The following BMPR1A variants were observed in gnomAD, a reference collection of about 807,000 sequenced individuals.
The protein encoded by BMPR1A is bone morphogenetic protein receptor type-1A.
Under a neutral mutation model 66.0 loss-of-function variants are expected in BMPR1A, and 7 were observed. The ratio of observed to expected loss-of-function variants is 0.11; its 90% confidence interval spans 0.06 to 0.20. The LOEUF is 0.20. Ranked by LOEUF, BMPR1A falls within the 10% of genes least tolerant of loss-of-function variation. The pLI, the probability that BMPR1A is intolerant of heterozygous loss-of-function variation, is 1.00. For synonymous variants in BMPR1A, 200 were observed against 229.7 expected (o/e 0.87, Z 1.17); for missense variants, 408 against 669.1 (o/e 0.61, Z 4.31).
chr10:86,761,139 T>A (rs1841049946), intron 1 of BMPR1A, among the ~76,000 whole-genome samples: 1 of 152,206 alleles, frequency 6.6e-6, no homozygotes, highest in Non-Finnish European at 1.5e-5. Flanking sequence ...GATCAGATGA[T>A]CAGTAGACTC....
At chr10:86,839,464 A>G (rs1003612071) in intron 2 of BMPR1A, among the ~76,000 whole-genome samples, 1 of 151,954 alleles carries the variant, frequency 6.6e-6, no homozygotes, top group African/African-American at 2.4e-5. Flanking sequence ...ATGATGGCCT[A>G]AGCCTGTGAT....
intron 2 of BMPR1A, among the ~76,000 whole-genome samples, chr10:86,869,268 G>A (rs12769473): frequency 0.06 from 9,123 of 151,810 alleles, 627 homozygotes; most frequent in African/African-American, 0.17. Context: ...GACCAGCCTG[G>A]CCAACATGGT....
intron 1 of BMPR1A, among the ~76,000 whole-genome samples, chr10:86,807,390 T>A (rs923929134): frequency 6.6e-6 from 1 of 152,196 alleles, no homozygotes; most frequent in Non-Finnish European, 1.5e-5. Context: ...TTGACTTACT[T>A]GTTTATCTGA....
chr10:86,794,837 T>TATATAG (rs888063705), intron 1 of BMPR1A, among the ~76,000 whole-genome samples: 1 of 151,058 alleles, frequency 6.6e-6, no homozygotes, highest in Non-Finnish European at 1.5e-5. Flanking sequence ...TAGATATAGA[T>TATATAG]ATATAGATAT....
rs1052581364 is a variant in BMPR1A at position 86,767,619 on chromosome 10, A to C, written c.-268+10700A>C. Among the ~76,000 whole-genome samples the C allele has an allele frequency of 5.3e-5, 8 of 152,308 alleles. No individual in the cohort carries two copies. In the East Asian group the frequency reaches 1.5e-3, roughly 29 times the overall value. On this transcript the variant is annotated intron_variant, in intron 1 of 12. Coordinates refer to ENST00000372037, the MANE Select transcript of BMPR1A (RefSeq NM_004329.3). ...CTTGAGCCCAGGAGTTCGAGACTGC[A>C]GTGAGCCATGATCTTACACTGCACT...
At chr10:86,778,597 C>T (rs776117599) in intron 1 of BMPR1A, among the ~76,000 whole-genome samples, 10 of 152,014 alleles carry the variant, frequency 6.6e-5, no homozygotes, top group Non-Finnish European at 1.3e-4. Context: ...TCTTTTTGTT[C>T]GGAACGTTTG....
intron 2 of BMPR1A, chr10:86,855,514 T>G: frequency 2.2e-6 from 1 of 455,800 alleles, no homozygotes; most frequent in Non-Finnish European, 3.9e-6. Context: ...GAAATAGTAC[T>G]ATTTTTTGAA....
At chr10:86,885,477 C>T (rs1212461842) in intron 3 of BMPR1A, among the ~76,000 whole-genome samples, 1 of 152,164 alleles carries the variant, frequency 6.6e-6, no homozygotes, top group Non-Finnish European at 1.5e-5. Context: ...CTTTTGAGCA[C>T]TTGAGTTGTG....
chr10:86,770,908 C>T (rs1187976508), intron 1 of BMPR1A, among the ~76,000 whole-genome samples: 1 of 152,144 alleles, frequency 6.6e-6, no homozygotes, highest in Non-Finnish European at 1.5e-5. Context: ...ACCTTAAGTT[C>T]CCATTAAGGC....
intron 1 of BMPR1A, among the ~76,000 whole-genome samples, chr10:86,819,343 C>T (rs141220199): frequency 0.016 from 2,399 of 152,186 alleles, 63 homozygotes; most frequent in African/African-American, 0.054. Context: ...TTGAGTCTCG[C>T]TCTGTCTCCC....
rs759363072 is a variant in BMPR1A, at chr10:86,917,188, C to G, written c.730C>G (p.Arg244Gly). Reference protein sequence around the residue: ...IQMVRQVGKGRYGEVWMGKWR... With the variant: ...IQMVRQVGKGGYGEVWMGKWR... ...GATGGTCCGGCAAGTTGGTAAAGGCCGATATGGAGAAGTATGGATGGGCAA... is the reference window on the plus strand; with the variant it reads ...GATGGTCCGGCAAGTTGGTAAAGGCGGATATGGAGAAGTATGGATGGGCAA... Residue 244 changes from arginine (R) to glycine (G), a missense_variant, in exon 9 of 13, where the codon CGA becomes GGA. Physicochemically the swap from Arg to Gly is moderately radical, Grantham distance 125. Transcript: ENST00000372037. The G allele has an allele frequency of 1.2e-6, 2 of 1,613,772 alleles. No homozygotes were observed. The highest frequency in any genetic ancestry group is 2.7e-5 in the African/African-American group (2 of 74,834).
chr10:86,861,530 T>G (rs1842714552), intron 2 of BMPR1A, among the ~76,000 whole-genome samples: 1 of 152,256 alleles, frequency 6.6e-6, no homozygotes, highest in Non-Finnish European at 1.5e-5. Context: ...GATCATGCTT[T>G]GAAGTTCCCT....
Position 86,925,972 on chromosome 10 carries a change from C to G in BMPR1A, c.*2253C>G. 5.9e-6 allele frequency: 1 copy of G among 169,832 alleles called. No homozygotes were observed. The highest frequency in any genetic ancestry group is 1.1e-4 in the East Asian group (1 of 9,046). 10.5% of individuals were successfully genotyped at this position (169,832 alleles called of 1,614,324 possible). A position where few individuals can be genotyped will look rare whatever the true frequency, so the allele number is the denominator to read the frequency against. Reference sequence around the variant, plus strand: ...TCAATCTCCTGACCTCATGATCCACCTGCCTCGGCCTCCCAAAGTTCATTT... The same window carrying G: ...TCAATCTCCTGACCTCATGATCCACGTGCCTCGGCCTCCCAAAGTTCATTT... On this transcript the variant is annotated 3_prime_UTR_variant, in exon 13 of 13. Coordinates refer to ENST00000372037, the MANE Select transcript of BMPR1A (RefSeq NM_004329.3).
chr10:86,823,199 A>C (rs761059648), intron 1 of BMPR1A, among the ~76,000 whole-genome samples: 2 of 152,220 alleles, frequency 1.3e-5, no homozygotes, highest in Non-Finnish European at 2.9e-5. Context: ...TGTATCCAGC[A>C]AGCTTTTAAT....
intron 1 of BMPR1A, among the ~76,000 whole-genome samples, chr10:86,835,104 C>A (rs926794603): frequency 1.3e-5 from 2 of 151,818 alleles, no homozygotes; most frequent in Admixed American, 1.3e-4. Flanking sequence ...TGGCTTAGGG[C>A]ATGGCCGTAC....
Position 86,923,777 on chromosome 10 carries a change from T to C in BMPR1A, c.*58T>C, listed in dbSNP as rs1348292702. The C allele has an allele frequency of 2.3e-5, 36 of 1,597,756 alleles. No homozygotes were observed. The highest frequency in any genetic ancestry group is 2.8e-5 in the Non-Finnish European group (33 of 1,167,298). ...GCAAGAACTGTTTTTACCCATGGCATGGGTGGAATTAGAGTGGAATAAGGA... is the reference window on the plus strand; with the variant it reads ...GCAAGAACTGTTTTTACCCATGGCACGGGTGGAATTAGAGTGGAATAAGGA... On this transcript the variant is annotated 3_prime_UTR_variant, in exon 13 of 13. Coordinates refer to ENST00000372037, the MANE Select transcript of BMPR1A (RefSeq NM_004329.3).
intron 1 of BMPR1A, among the ~76,000 whole-genome samples, chr10:86,777,702 A>G (rs1248958450): frequency 6.6e-6 from 1 of 151,898 alleles, no homozygotes; most frequent in Non-Finnish European, 1.5e-5. Flanking sequence ...TGTTCTCTGC[A>G]GTTACAAGCT....
chr10:86,860,999 G>A (rs1490807296), intron 2 of BMPR1A, among the ~76,000 whole-genome samples: 1 of 151,640 alleles, frequency 6.6e-6, no homozygotes, highest in Non-Finnish European at 1.5e-5. Context: ...CCGCCACCAC[G>A]CCCGGCTAAT....
intron 2 of BMPR1A, among the ~76,000 whole-genome samples, chr10:86,847,409 C>G (rs1426565594): frequency 6.6e-6 from 1 of 152,000 alleles, no homozygotes; most frequent in Non-Finnish European, 1.5e-5. Context: ...CTGATTATAT[C>G]TTATGTATTC....
Sources: gnomAD v4.1 joint callset for allele counts (sites outside exome capture counted in the v4.1 genomes callset) on GRCh38, gnomAD v4.1.1 for gene constraint, MANE v1.5 for transcripts, NCBI Gene and HGNC (gene_info 2026-07-23, HGNC 2026-07-21) for gene names.